The following RANBP17 variants were observed in gnomAD, a reference collection of about 807,000 sequenced individuals.
The protein encoded by RANBP17 is ran-binding protein 17.
RANBP17 carries 158 observed loss-of-function variants against 141.2 expected under a neutral mutation model. That is an observed-to-expected ratio of 1.12 (90% CI 0.98 to 1.28). The LOEUF is 1.28. RANBP17 is among the 50% of genes most tolerant of loss of function. The pLI is 0.00. For missense variants in RANBP17, 1,438 were observed against 1,290.7 expected (o/e 1.11, Z -1.75); for synonymous variants, 430 against 450.0 (o/e 0.96, Z 0.56).
rs1350631033 is a variant in RANBP17, at chr5:171,242,707, A to G, written c.2663A>G (p.Tyr888Cys). 4 of 1,613,628 alleles carry G rather than the reference A, an allele frequency of 2.5e-6. No homozygotes were observed. In the African/African-American group the frequency reaches 5.3e-5, roughly 22 times the overall value. The change falls in exon 24 of 28, where the codon TAT becomes TGT. Residue 888 changes from tyrosine (Y) to cysteine (C), a missense_variant. Physicochemically the swap from Tyr to Cys is radical, Grantham distance 194. Transcript: ENST00000523189. ...CAATACCGGAAACTGAGCCAGTCTT[A>G]TTATCCACTCCTGGAATGTCTCACT... Reference protein sequence around the residue: ...LLQYRKLSQSYYPLLECLTQD... With the variant: ...LLQYRKLSQSCYPLLECLTQD...
intron 20 of RANBP17, among the ~76,000 whole-genome samples, chr5:171,212,603 G>A (rs964373232): frequency 4.6e-5 from 7 of 152,228 alleles, no homozygotes; most frequent in Non-Finnish European, 8.8e-5. Context: ...TATTCTAAGA[G>A]CAAGGAAGAA....
chr5:170,987,545 A>G (rs1778226986), intron 14 of RANBP17, among the ~76,000 whole-genome samples: 1 of 151,650 alleles, frequency 6.6e-6, no homozygotes, highest in African/African-American at 2.4e-5. Context: ...CCTTTTTAAA[A>G]AAAAAATAAT....
At chr5:171,098,988 C>G (rs1786917312) in intron 14 of RANBP17, among the ~76,000 whole-genome samples, 1 of 152,106 alleles carries the variant, frequency 6.6e-6, no homozygotes, top group Non-Finnish European at 1.5e-5. Flanking sequence ...GTTTTGGTAC[C>G]AGTACCATCC....
At chr5:171,032,885 G>T (rs2127620302) in intron 14 of RANBP17, among the ~76,000 whole-genome samples, 1 of 152,248 alleles carries the variant, frequency 6.6e-6, no homozygotes, top group African/African-American at 2.4e-5. Context: ...ACCATAATGG[G>T]TTGAAACTTA....
chr5:171,088,331 C>G (rs960271445), intron 14 of RANBP17, among the ~76,000 whole-genome samples: 1 of 152,124 alleles, frequency 6.6e-6, no homozygotes, highest in East Asian at 1.9e-4. Context: ...CAGAGAGATT[C>G]GCTGTTGGTT....
intron 14 of RANBP17, among the ~76,000 whole-genome samples, chr5:170,981,455 C>T (rs1362747548): frequency 3.9e-5 from 6 of 152,072 alleles, no homozygotes; most frequent in Non-Finnish European, 8.8e-5. Context: ...ATTGAATTCT[C>T]ACGTGTTGTG....
intron 14 of RANBP17, among the ~76,000 whole-genome samples, chr5:170,991,581 T>C (rs1234998908): frequency 1.3e-5 from 2 of 151,954 alleles, no homozygotes; most frequent in African/African-American, 2.4e-5. Flanking sequence ...GGGAAGCAGC[T>C]TGGCCTTTTC....
At chr5:171,107,020 T>TTTTG (rs1274893602) in intron 14 of RANBP17, among the ~76,000 whole-genome samples, 1 of 107,392 alleles carries the variant, frequency 9.3e-6, no homozygotes, top group East Asian at 4.0e-4. Context: ...CCCACGTATC[T>TTTTG]TTTGTTTGTT....
At chr5:170,903,823 T>G in intron 5 of RANBP17, 1 of 434,796 alleles carries the variant, frequency 2.3e-6, no homozygotes, top group Non-Finnish European at 4.5e-6. Context: ...GTCAACAACA[T>G]TGTGGCAAAT....
chr5:171,072,287 A>G (rs1784677205), intron 14 of RANBP17, among the ~76,000 whole-genome samples: 1 of 152,174 alleles, frequency 6.6e-6, no homozygotes, highest in South Asian at 2.1e-4. Flanking sequence ...AAAGGAACAC[A>G]GTCCTACTGA....
In RANBP17 at chr5:170,913,886, A is replaced by G. The variant is rs1035060301; in HGVS notation, c.761-281A>G. On this transcript the variant is annotated intron_variant, in intron 7 of 27. Coordinates refer to ENST00000523189, the MANE Select transcript of RANBP17 (RefSeq NM_022897.5). ...GATACTGTTTGAATTCTCAATGTTTATATTACTTGAATACAAATGAAAATA... is the reference window on the plus strand; with the variant it reads ...GATACTGTTTGAATTCTCAATGTTTGTATTACTTGAATACAAATGAAAATA... Among the ~76,000 whole-genome samples, 4 of 152,018 alleles carry G rather than the reference A, an allele frequency of 2.6e-5. No individual in the cohort carries two copies. In the South Asian group the frequency reaches 8.3e-4, roughly 32 times the overall value.
At chr5:171,225,032 G>C (rs766211504) in intron 22 of RANBP17, among the ~76,000 whole-genome samples, 5 of 152,170 alleles carry the variant, frequency 3.3e-5, no homozygotes, top group African/African-American at 7.2e-5. Flanking sequence ...AAAGCCCTTA[G>C]ACTAGTTAAC....
chr5:171,157,351 G>A (rs1275975732), intron 14 of RANBP17, among the ~76,000 whole-genome samples: 1 of 152,158 alleles, frequency 6.6e-6, no homozygotes, highest in African/African-American at 2.4e-5. Flanking sequence ...CACCCGGCAA[G>A]ATTATGTCAG....
chr5:170,937,462 C>T (rs957478616), intron 12 of RANBP17, among the ~76,000 whole-genome samples: 8 of 152,150 alleles, frequency 5.3e-5, no homozygotes, highest in Non-Finnish European at 1.0e-4. Context: ...TGTTTCTGTG[C>T]CTGTAACTCT....
At chr5:171,089,335 T>G (rs1786007408) in intron 14 of RANBP17, among the ~76,000 whole-genome samples, 1 of 141,758 alleles carries the variant, frequency 7.1e-6, no homozygotes, top group Non-Finnish European at 1.5e-5. Flanking sequence ...TCCAGCTGCG[T>G]GCTGGGAGAA....
chr5:171,254,330 C>A (rs1403404296), intron 24 of RANBP17, among the ~76,000 whole-genome samples: 1 of 151,252 alleles, frequency 6.6e-6, no homozygotes, highest in Non-Finnish European at 1.5e-5. Flanking sequence ...CTTTAGAATT[C>A]TTAAGTATTC....
At chr5:171,284,183 T>G (rs928547405) in intron 25 of RANBP17, among the ~76,000 whole-genome samples, 1 of 152,076 alleles carries the variant, frequency 6.6e-6, no homozygotes, top group Non-Finnish European at 1.5e-5. Context: ...CTGCTTAGGG[T>G]TCCATTCATT....
At chr5:171,042,705 A>T (rs1782327502) in intron 14 of RANBP17, among the ~76,000 whole-genome samples, 2 of 152,286 alleles carry the variant, frequency 1.3e-5, no homozygotes, top group South Asian at 4.1e-4. Context: ...ATAACTATAA[A>T]TCAAAAACAT....
intron 14 of RANBP17, among the ~76,000 whole-genome samples, chr5:171,099,696 T>A (rs1387954508): frequency 6.6e-6 from 1 of 152,216 alleles, no homozygotes. Flanking sequence ...TCAAAGGGAA[T>A]GCTTCCAGTT....
Sources: gnomAD v4.1 joint callset for allele counts (sites outside exome capture counted in the v4.1 genomes callset) on GRCh38, gnomAD v4.1.1 for gene constraint, MANE v1.5 for transcripts, NCBI Gene and HGNC (gene_info 2026-07-23, HGNC 2026-07-21) for gene names.